The following TDRP variants were observed in gnomAD, a reference collection of about 807,000 sequenced individuals.
The protein encoded by TDRP is testis development-related protein.
Under a neutral mutation model 10.5 loss-of-function variants are expected in TDRP, and 12 were observed. The ratio of observed to expected loss-of-function variants is 1.15; its 90% confidence interval spans 0.73 to 1.86. The LOEUF is 1.86. TDRP is among the 40% of genes most tolerant of loss of function. The pLI, the probability that TDRP is intolerant of heterozygous loss-of-function variation, is 0.00. For synonymous variants in TDRP, 139 were observed against 95.4 expected (o/e 1.46, Z -2.67); for missense variants, 353 against 229.2 (o/e 1.54, Z -3.49).
At chr8:529,750 A>G (rs1802137225) in intron 1 of TDRP, among the ~76,000 whole-genome samples, 1 of 152,152 alleles carries the variant, frequency 6.6e-6, no homozygotes, top group East Asian at 1.9e-4. Flanking sequence ...ATCTTATGGG[A>G]GCTCCCTTGT....
chr8:545,213 C>A (rs1361456439), upstream of TDRP, among the ~76,000 whole-genome samples: 1 of 144,294 alleles, frequency 6.9e-6, no homozygotes, highest in Non-Finnish European at 1.5e-5. Flanking sequence ...CGTCCTCACC[C>A]CAGGCTACCC....
At chr8:531,035 C>A (rs952894763) in intron 1 of TDRP, among the ~76,000 whole-genome samples, 5 of 152,250 alleles carry the variant, frequency 3.3e-5, no homozygotes, top group Middle Eastern at 3.4e-3. Flanking sequence ...AGACAGAAAC[C>A]AGTCCATCAG....
intron 1 of TDRP, among the ~76,000 whole-genome samples, chr8:497,036 G>C (rs1801155592): frequency 6.6e-6 from 1 of 152,178 alleles, no homozygotes; most frequent in African/African-American, 2.4e-5. Context: ...GTCTCAGGTA[G>C]TTCTTTATAG....
At chr8:493,243 G>C (rs764054554) in intron 2 of TDRP, among the ~76,000 whole-genome samples, 4 of 152,206 alleles carry the variant, frequency 2.6e-5, no homozygotes, top group Admixed American at 2.6e-4. Context: ...GGTAGCAAGC[G>C]ACAGCTAGGG....
In TDRP at chr8:492,173, G is replaced by T. The variant is rs183186487; in HGVS notation, c.*226C>A. The T allele has an allele frequency of 7.9e-7, 1 of 1,258,926 alleles. No homozygotes were observed. The allele number at this position is 1,258,926 out of a possible 1,614,324, so 78.0% of individuals were successfully genotyped here. On this transcript the variant is annotated 3_prime_UTR_variant, in exon 3 of 3. Coordinates refer to ENST00000324079, the MANE Select transcript of TDRP (RefSeq NM_001384899.1). ...GTTTCTGCAAAACATGGACTGATAG[G>T]TGAATATTTCTGCAATAAGGCAATC...
chr8:544,666 G>A lies in TDRP; in HGVS notation c.92C>T (p.Ala31Val), dbSNP rs1802587766. 4.0e-6 allele frequency: 5 copies of A among 1,242,648 alleles called. No homozygotes were observed. Among genetic ancestry groups the A allele is most frequent in the Non-Finnish European group, 5.0e-6 (5 of 993,918 alleles). The allele number at this position is 1,242,648 out of a possible 1,614,324, so 77.0% of individuals were successfully genotyped here. A position where few individuals can be genotyped will look rare whatever the true frequency, so the allele number is the denominator to read the frequency against. ...CCCCCTCACCTGCGCCTGGGCGGCG[G>A]CGGCGGCGGCCGGTGGCGGCCCCCC... ...LRGGPPPAAAAAAQAQVQGAS... is the reference protein window; with the variant it reads ...LRGGPPPAAAVAAQAQVQGAS... Residue 31 changes from alanine to valine, a missense_variant, in exon 1 of 3, where the codon GCC (alanine) becomes GTC (valine). Physicochemically the swap from Ala to Val is moderately conservative, Grantham distance 64. Transcript: ENST00000324079.
intron 1 of TDRP, among the ~76,000 whole-genome samples, chr8:496,480 C>T (rs1193253788): frequency 6.6e-6 from 1 of 152,184 alleles, no homozygotes; most frequent in Non-Finnish European, 1.5e-5. Context: ...AGTGAAGCTT[C>T]GTGACCTTGG....
intron 1 of TDRP, among the ~76,000 whole-genome samples, chr8:519,092 T>C (rs986423544): frequency 7.2e-5 from 11 of 152,020 alleles, no homozygotes; most frequent in African/African-American, 2.4e-4. Flanking sequence ...GGGCTAGAGA[T>C]TGAATCCAGT....
intron 1 of TDRP, among the ~76,000 whole-genome samples, chr8:512,114 T>G (rs1363546791): frequency 6.6e-6 from 1 of 151,776 alleles, no homozygotes; most frequent in African/African-American, 2.4e-5. Context: ...AAACCAAAAT[T>G]TCGTTCTTTA....
chr8:494,674 G>A, intron 1 of TDRP, 77 bp from the exon 2 acceptor site: 2 of 1,324,434 alleles, frequency 1.5e-6, no homozygotes, highest in Non-Finnish European at 2.1e-6. Context: ...CAATAACCAT[G>A]GAGTTGAAAT....
At chr8:542,261 C>G (rs1269179805) in intron 1 of TDRP, among the ~76,000 whole-genome samples, 1 of 152,098 alleles carries the variant, frequency 6.6e-6, no homozygotes, top group East Asian at 1.9e-4. Flanking sequence ...AGGGAGGGTG[C>G]ACAGAGGGTC....
intron 1 of TDRP, among the ~76,000 whole-genome samples, chr8:523,464 G>T (rs760402265): frequency 3.3e-5 from 5 of 152,162 alleles, no homozygotes; most frequent in African/African-American, 4.8e-5. Flanking sequence ...TACCAGCTCA[G>T]CCACAGTAGG....
At chr8:530,249 T>C (rs964021706) in intron 1 of TDRP, among the ~76,000 whole-genome samples, 1 of 152,168 alleles carries the variant, frequency 6.6e-6, no homozygotes, top group South Asian at 2.1e-4. Flanking sequence ...TTTTTTCTGA[T>C]TTCATTTGCT....
intron 1 of TDRP, among the ~76,000 whole-genome samples, chr8:516,095 A>G (rs1383369171): frequency 1.3e-5 from 2 of 152,200 alleles, no homozygotes; most frequent in African/African-American, 4.8e-5. Context: ...TGGATGGCTG[A>G]ACATTAAAAA....
intron 1 of TDRP, among the ~76,000 whole-genome samples, chr8:538,270 G>C (rs1271605942): frequency 1.3e-5 from 2 of 152,172 alleles, no homozygotes; most frequent in Admixed American, 1.3e-4. Context: ...TCAAGGCCAG[G>C]GGATGAGGAA....
intron 1 of TDRP, among the ~76,000 whole-genome samples, chr8:504,050 G>A (rs1181827714): frequency 6.6e-6 from 1 of 151,020 alleles, no homozygotes; most frequent in Non-Finnish European, 1.5e-5. Flanking sequence ...AGCCACAAAA[G>A]GGTAACCCAC....
chr8:497,668 G>A (rs1233129555), intron 1 of TDRP, among the ~76,000 whole-genome samples: 1 of 152,206 alleles, frequency 6.6e-6, no homozygotes, highest in East Asian at 1.9e-4. Context: ...GTAAAGAAGA[G>A]CCAATGTTAA....
intron 1 of TDRP, among the ~76,000 whole-genome samples, chr8:518,294 A>G (rs1801809869): frequency 6.6e-6 from 1 of 152,216 alleles, no homozygotes; most frequent in African/African-American, 2.4e-5. Context: ...TATAAAAAAG[A>G]GTCTATTGAA....
chr8:531,811 A>G (rs1802207718), intron 1 of TDRP, among the ~76,000 whole-genome samples: 1 of 152,232 alleles, frequency 6.6e-6, no homozygotes, highest in East Asian at 1.9e-4. Context: ...GGCAAAGAAT[A>G]GCTAAAAGGA....
Sources: allele counts gnomAD v4.1 joint callset (sites outside exome capture counted in the v4.1 genomes callset), GRCh38; gene constraint gnomAD v4.1.1; transcripts MANE v1.5; gene names NCBI Gene and HGNC (gene_info 2026-07-23, HGNC 2026-07-21).